The following ZFP69 variants were observed in gnomAD, a reference collection of about 807,000 sequenced individuals.
ZFP69 encodes the protein ZFP69 zinc finger protein, also known as zinc finger protein 69 homolog.
ZFP69 carries 35 observed loss-of-function variants against 48.9 expected under a neutral mutation model. The ratio of observed to expected loss-of-function variants is 0.72; its 90% CI spans 0.55 to 0.95. ZFP69 has a LOEUF of 0.95. Among genes scored for constraint, ZFP69 ranks in the 40% least tolerant of loss-of-function variants. The probability of loss-of-function intolerance (pLI) is 0.00; values close to 1 mark genes in which losing one functional copy is unlikely to be tolerated. For missense variants in ZFP69, 557 were observed against 638.4 expected, an observed-to-expected ratio of 0.87 and a Z score of 1.37; for synonymous variants, 193 against 216.8, an observed-to-expected ratio of 0.89 and a Z score of 0.96.
chr1:40,492,816 C>T (rs1156421676), intron 5 of ZFP69, among the ~76,000 whole-genome samples: 1 of 152,120 alleles, frequency 6.6e-6, no homozygotes, highest in Non-Finnish European at 1.5e-5. Context: ...ACATATTGTA[C>T]ATTTTTTGTT....
chr1:40,479,266 G>A lies in ZFP69; in HGVS notation c.-96G>A, dbSNP rs955721515. On this transcript the variant is annotated 5_prime_UTR_variant, in exon 2 of 6. Coordinates refer to ENST00000372706, the MANE Select transcript of ZFP69 (RefSeq NM_001320179.2). ...ACCAGAGTCCTGAGGGCAGGTGATTGGAATCTGAGCAACACCCCACAACTG... is the reference window on the plus strand; with the variant it reads ...ACCAGAGTCCTGAGGGCAGGTGATTAGAATCTGAGCAACACCCCACAACTG... The A allele has an allele frequency of 2.2e-5, 35 of 1,563,150 alleles. No individual in the cohort carries two copies. In the African/African-American group the frequency reaches 4.6e-4, roughly 21 times the overall value.
At position 40,477,539 on chromosome 1, in the gene ZFP69, C is replaced by A. The variant is rs1427895398; in HGVS notation, c.-682C>A. ...TGTATCCTCCCCGGGGTCTGCAAGA[C>A]GCCGGCTCAGGGCATCCCTCCCATT... On this transcript the variant is annotated 5_prime_UTR_variant, in exon 1 of 6. Transcript: ENST00000372706. This position sits in a 1 kb window ranked among gnomAD's most constrained non-coding sequence, Gnocchi z 4.0. 6.6e-6 allele frequency: 1 copy of A among 152,198 alleles called. No homozygotes were observed. The highest frequency in any genetic ancestry group is 2.4e-5 in the African/African-American group (1 of 41,460). 9.4% of individuals were successfully genotyped at this position (152,198 alleles called of 1,614,324 possible). A position where few individuals can be genotyped will look rare whatever the true frequency, so the allele number is the denominator to read the frequency against.
intron 3 of ZFP69, among the ~76,000 whole-genome samples, chr1:40,483,770 C>T (rs1479724334): frequency 6.6e-6 from 1 of 152,100 alleles, no homozygotes; most frequent in African/African-American, 2.4e-5. Flanking sequence ...TATTTGAGGA[C>T]ACTGAGATTG....
chr1:40,489,866 C>CTTTTTTTT (rs374820239), intron 5 of ZFP69, among the ~76,000 whole-genome samples: 4 of 115,420 alleles, frequency 3.5e-5, no homozygotes, highest in Non-Finnish European at 5.2e-5. Context: ...TTTTCTTTTT[C>CTTTTTTTT]TTTTTTTTTT....
In ZFP69 at chr1:40,495,875, C is replaced by T. The variant is rs747117509; in HGVS notation, c.1397C>T (p.Ala466Val). ...AAAACTGTTCATACAGGAGTGAAAG[C>T]ATATGAATGCAACCGCTGTGGAAAA... The part of the protein sequence containing the change: ...NHKTVHTGVK[A>V]YECNRCGKAY... Residue 466 changes from alanine (A) to valine (V), a missense_variant, in exon 6 of 6, where the codon GCA becomes GTA. Transcript: ENST00000372706. 4.2e-5 allele frequency: 67 copies of T among 1,614,082 alleles called. No homozygotes were observed. The Middle Eastern group carries it at 8.2e-4, about 20-fold the overall frequency.
chr1:40,494,255 AATT>A lies in ZFP69; in HGVS notation c.443-665_443-663del, dbSNP rs1482667761. On this transcript the variant is annotated intron_variant, in intron 5 of 5. Coordinates refer to ENST00000372706, the MANE Select transcript of ZFP69 (RefSeq NM_001320179.2). ...ATTAGAGCAGGACTAAAAGATTCAA[AATT>A]TTTTTTTTTTTTTTTTTTTTTTTTT... Among the ~76,000 whole-genome samples the A allele has an allele frequency of 2.1e-4, 26 of 123,878 alleles. 1 individual carries two copies. The highest frequency in any genetic ancestry group is 7.0e-4 in the African/African-American group (22 of 31,596). The allele number at this position is 123,878 out of a possible 152,430, so 81.3% of individuals were successfully genotyped here. A position where few individuals can be genotyped will look rare whatever the true frequency, so the allele number is the denominator to read the frequency against.
rs115519707 is a variant in ZFP69, at chr1:40,480,771, A to T, written c.128-992A>T. The stretch of plus-strand genomic sequence containing the variant: ...TGAATGTTAGTTTGTACTTTCAAAC[A>T]TGAGAGGAAATAGGAATCATCACAG... On this transcript the variant is annotated intron_variant, in intron 2 of 5. Coordinates refer to ENST00000372706, the MANE Select transcript of ZFP69 (RefSeq NM_001320179.2). Among the ~76,000 whole-genome samples the T allele has an allele frequency of 9.6e-4, 147 of 152,346 alleles. 2 individuals carry two copies. Among genetic ancestry groups the T allele is most frequent in the African/African-American group, 3.1e-3 (129 of 41,590 alleles).
intron 3 of ZFP69, among the ~76,000 whole-genome samples, chr1:40,483,642 G>A (rs1438665912): frequency 6.6e-6 from 1 of 152,148 alleles, no homozygotes; most frequent in Non-Finnish European, 1.5e-5. Context: ...AAAAATTCCA[G>A]ATAAGTAGAA....
At chr1:40,483,910 C>G (rs2124444187) in intron 3 of ZFP69, among the ~76,000 whole-genome samples, 1 of 152,174 alleles carries the variant, frequency 6.6e-6, no homozygotes, top group South Asian at 2.1e-4. Context: ...AACCCCGTCT[C>G]TACTACAAAT....
intron 5 of ZFP69, among the ~76,000 whole-genome samples, 194 bp from the exon 6 acceptor site, chr1:40,494,726 TA>T (rs1188585160): frequency 1.3e-5 from 1 of 75,296 alleles, no homozygotes; most frequent in Non-Finnish European, 2.7e-5. Flanking sequence ...ATATATCAAA[TA>T]TATATATATA....
Position 40,495,044 on chromosome 1 carries a change from G to T in ZFP69, c.566G>T (p.Arg189Ile). ...MRDDIIYSTL[R>I]KVSTYDDVLE... ...GATGATATAATTTATTCCACGTTGA[G>T]AAAAGTCTCCACATATGATGATGTC... Residue 189 changes from arginine (R) to isoleucine (I), a missense_variant, in exon 6 of 6, where the codon AGA (arginine) becomes ATA (isoleucine). Coordinates refer to ENST00000372706, the MANE Select transcript of ZFP69 (RefSeq NM_001320179.2). 6.2e-7 allele frequency: 1 copy of T among 1,614,000 alleles called. No individual in the cohort carries two copies.
At chr1:40,489,846 G>C (rs571513483) in intron 5 of ZFP69, among the ~76,000 whole-genome samples, 38 of 150,934 alleles carry the variant, frequency 2.5e-4, no homozygotes, top group Admixed American at 2.0e-3. Context: ...AGGAGGAGGT[G>C]CCAGGCTCTT....
intron 3 of ZFP69, among the ~76,000 whole-genome samples, chr1:40,487,772 C>T (rs1557547576): frequency 1.3e-5 from 2 of 152,104 alleles, no homozygotes; most frequent in African/African-American, 2.4e-5. Context: ...TCAGGCCGGG[C>T]GCGGTGGCTC....
intron 5 of ZFP69, among the ~76,000 whole-genome samples, chr1:40,494,444 ATT>A (rs1215401992): frequency 6.9e-6 from 1 of 144,386 alleles, no homozygotes; most frequent in Non-Finnish European, 1.5e-5. Flanking sequence ...AATTTTTTGT[ATT>A]TTTAGTAGAG....
Position 40,491,785 on chromosome 1 carries a change from G to GTATA in ZFP69, c.442+2173_442+2176dup, listed in dbSNP as rs745905179. On this transcript the variant is annotated intron_variant, in intron 5 of 5. Coordinates refer to ENST00000372706, the MANE Select transcript of ZFP69 (RefSeq NM_001320179.2). ...TGTATGTGTGTGTGTGTGTGTGTGT[G>GTATA]TATATATATATATATTCATTCTAGT... 4.8e-3 allele frequency among the ~76,000 whole-genome samples: 718 copies of GTATA among 148,830 alleles called. 8 individuals are homozygous for GTATA. The highest frequency in any genetic ancestry group is 0.026 in the East Asian group (130 of 5,092).
At chr1:40,491,483 G>A (rs1014270274) in intron 5 of ZFP69, among the ~76,000 whole-genome samples, 1 of 152,108 alleles carries the variant, frequency 6.6e-6, no homozygotes, top group East Asian at 1.9e-4. Flanking sequence ...CCATTAACAG[G>A]GTTTGAGAGT....
rs56706952 is a variant in ZFP69 at position 40,483,226 on chromosome 1, A to ATTTTTTTTT, written c.219+1384_219+1392dup. ...AAAATCAAACCATACACCTTTTTTA[A>ATTTTTTTTT]TTTTTTTTTTTTTTTTTTTTAGAGA... On this transcript the variant is annotated intron_variant, in intron 3 of 5. Transcript: ENST00000372706. Among the ~76,000 whole-genome samples, 906 of 116,872 alleles carry ATTTTTTTTT rather than the reference A, an allele frequency of 7.8e-3. 76 individuals carry two copies. Among genetic ancestry groups the ATTTTTTTTT allele is most frequent in the African/African-American group, 0.029 (796 of 27,194 alleles). 76.7% of individuals were successfully genotyped at this position (116,872 alleles called of 152,430 possible). A position where few individuals can be genotyped will look rare whatever the true frequency, so the allele number is the denominator to read the frequency against.
chr1:40,494,783 TC>T, intron 5 of ZFP69, 137 bp from the exon 6 acceptor site: 1 of 537,626 alleles, frequency 1.9e-6, no homozygotes. Flanking sequence ...TAATTTCCTT[TC>T]CCATTACCTC....
chr1:40,491,411 C>T (rs752852150), intron 5 of ZFP69, among the ~76,000 whole-genome samples: 18 of 152,296 alleles, frequency 1.2e-4, no homozygotes, highest in Non-Finnish European at 2.1e-4. Context: ...AGAATATATG[C>T]ACTTTCATTT....
Sources: allele counts gnomAD v4.1 joint callset (sites outside exome capture counted in the v4.1 genomes callset), GRCh38; gene constraint gnomAD v4.1.1; non-coding constraint Gnocchi (gnomAD v3.1); transcripts MANE v1.5; gene names NCBI Gene and HGNC (gene_info 2026-07-23, HGNC 2026-07-21).